INSC: variants seen among roughly 807,000 people sequenced by gnomAD.
INSC encodes INSC spindle orientation adaptor protein.
INSC carries 67 observed loss-of-function variants against 58.6 expected under a neutral mutation model. That is an observed-to-expected ratio of 1.14 (90% CI 0.94 to 1.40). The LOEUF is 1.40. INSC is among the 40% of genes most tolerant of loss of function. The pLI is 0.00. For synonymous variants in INSC, 262 were observed against 276.1 expected (o/e 0.95, Z 0.51); for missense variants, 714 against 692.0 (o/e 1.03, Z -0.36).
intron 10 of INSC, 34 bp downstream of exon 10, chr11:15,235,702 AT>A: frequency 6.5e-7 from 1 of 1,545,120 alleles, no homozygotes; most frequent in Non-Finnish European, 8.9e-7. Flanking sequence ...TGTTATGTGG[AT>A]TATCTGGATG....
intron 1 of INSC, among the ~76,000 whole-genome samples, chr11:15,129,060 C>T (rs150578409): frequency 1.3e-5 from 2 of 152,316 alleles, no homozygotes; most frequent in African/African-American, 4.8e-5. Context: ...GAGGGAACCT[C>T]AAGGGTAGAA....
chr11:15,144,531 C>T (rs997666065), intron 1 of INSC, among the ~76,000 whole-genome samples: 9 of 152,200 alleles, frequency 5.9e-5, no homozygotes, highest in African/African-American at 2.2e-4. Context: ...CAGCAGCCTC[C>T]TCCCTGTTCC....
chr11:15,154,309 G>A (rs1336565724), intron 2 of INSC, among the ~76,000 whole-genome samples: 1 of 152,194 alleles, frequency 6.6e-6, no homozygotes, highest in African/African-American at 2.4e-5. Context: ...ATTAAATTAA[G>A]TAGCTTGGAT....
At chr11:15,225,459 G>A (rs961165340) in intron 8 of INSC, among the ~76,000 whole-genome samples, 191 bp from the exon 9 acceptor site, 1 of 152,050 alleles carries the variant, frequency 6.6e-6, no homozygotes, top group Admixed American at 6.5e-5. Context: ...TTACATACCA[G>A]GTTTCAAATC....
intron 2 of INSC, among the ~76,000 whole-genome samples, chr11:15,154,540 G>A (rs1298403231): frequency 6.6e-6 from 1 of 152,174 alleles, no homozygotes; most frequent in Non-Finnish European, 1.5e-5. Flanking sequence ...AGTATTTTTA[G>A]TCTTTGCAGT....
chr11:15,205,899 C>G (rs745383447), intron 7 of INSC, among the ~76,000 whole-genome samples: 1 of 152,054 alleles, frequency 6.6e-6, no homozygotes, highest in Non-Finnish European at 1.5e-5. Flanking sequence ...GGGCAAGGGA[C>G]GGACACAGAC....
intron 7 of INSC, among the ~76,000 whole-genome samples, chr11:15,212,958 T>C (rs1176781167): frequency 6.6e-6 from 1 of 152,210 alleles, no homozygotes; most frequent in Non-Finnish European, 1.5e-5. Flanking sequence ...TTAAGTATGA[T>C]ACCATTATTA....
intron 12 of INSC, among the ~76,000 whole-genome samples, chr11:15,243,047 G>A (rs1428522103): frequency 6.6e-6 from 1 of 152,160 alleles, no homozygotes; most frequent in African/African-American, 2.4e-5. Context: ...CAGGGCAGAG[G>A]ACTTTTTCCA....
chr11:15,174,105 G>A (rs537659727), intron 2 of INSC, among the ~76,000 whole-genome samples: 8 of 147,682 alleles, frequency 5.4e-5, no homozygotes, highest in Admixed American at 2.1e-4. Context: ...TTCCACCTTG[G>A]CTGACTATTC....
At chr11:15,230,007 ATATAT>A (rs1851850661) in intron 9 of INSC, among the ~76,000 whole-genome samples, 8 of 26,392 alleles carry the variant, frequency 3.0e-4, no homozygotes, top group African/African-American at 3.3e-4. Context: ...ATATATATAT[ATATAT>A]AATATATATA....
chr11:15,175,650 G>A (rs1321107107), intron 2 of INSC, 91 bp from the exon 3 acceptor site: 2 of 896,902 alleles, frequency 2.2e-6, no homozygotes, highest in South Asian at 2.1e-5. Context: ...ACATATAATA[G>A]GTGCTTAGTA....
chr11:15,199,182 A>G (rs1850482988), intron 6 of INSC, among the ~76,000 whole-genome samples: 1 of 152,208 alleles, frequency 6.6e-6, no homozygotes, highest in Admixed American at 6.5e-5. Flanking sequence ...CGTCTGGCCT[A>G]TAATAAACCA....
At chr11:15,125,661 G>T (rs1279190270) in intron 1 of INSC, among the ~76,000 whole-genome samples, 1 of 152,110 alleles carries the variant, frequency 6.6e-6, no homozygotes, top group African/African-American at 2.4e-5. Flanking sequence ...GATCTATCCA[G>T]CTATCCTTAT....
At chr11:15,154,935 G>C (rs1848763850) in intron 2 of INSC, among the ~76,000 whole-genome samples, 2 of 152,168 alleles carry the variant, frequency 1.3e-5, no homozygotes, top group South Asian at 4.1e-4. Flanking sequence ...TTGTGGCTGG[G>C]ATGGACATTT....
intron 7 of INSC, among the ~76,000 whole-genome samples, chr11:15,210,131 A>G (rs973644501): frequency 2.0e-5 from 3 of 152,164 alleles, no homozygotes; most frequent in African/African-American, 7.2e-5. Flanking sequence ...GAGGCTGGCT[A>G]TGTTTCCTGG....
At chr11:15,129,519 T>G (rs2133701771) in intron 1 of INSC, among the ~76,000 whole-genome samples, 1 of 152,336 alleles carries the variant, frequency 6.6e-6, no homozygotes, top group Middle Eastern at 3.4e-3. Flanking sequence ...TTCATATGCA[T>G]GAATTATCTA....
intron 1 of INSC, among the ~76,000 whole-genome samples, chr11:15,136,240 A>G (rs879443409): frequency 6.6e-6 from 1 of 152,206 alleles, no homozygotes; most frequent in Admixed American, 6.5e-5. Context: ...AACAATGTAC[A>G]TATATAATTA....
At chr11:15,196,350 C>G (rs1398564291) in intron 6 of INSC, among the ~76,000 whole-genome samples, 2 of 152,220 alleles carry the variant, frequency 1.3e-5, no homozygotes, top group Non-Finnish European at 2.9e-5. Context: ...CGCCAGGACT[C>G]ACAGTGGTTG....
chr11:15,219,166 G>C (rs1344683953), intron 7 of INSC, among the ~76,000 whole-genome samples: 1 of 152,098 alleles, frequency 6.6e-6, no homozygotes, highest in Non-Finnish European at 1.5e-5. Flanking sequence ...TGGTGGAATA[G>C]GTCTGGGTGG....
Sources: allele counts gnomAD v4.1 joint callset (sites outside exome capture counted in the v4.1 genomes callset), GRCh38; gene constraint gnomAD v4.1.1; transcripts MANE v1.5; gene names NCBI Gene and HGNC (gene_info 2026-07-23, HGNC 2026-07-21).